KDM4C: variants seen among roughly 807,000 people sequenced by gnomAD.
KDM4C encodes lysine demethylase 4C.
Under a neutral mutation model 129.3 loss-of-function variants are expected in KDM4C, and 81 were observed. That is an observed-to-expected ratio of 0.63 (90% confidence interval 0.52 to 0.75). KDM4C has a LOEUF of 0.75. Ranked by LOEUF, KDM4C falls within the 30% of genes least tolerant of loss-of-function variation. KDM4C has a pLI of 0.00. For synonymous variants in KDM4C, 573 were observed against 456.1 expected, an observed-to-expected ratio of 1.26 and a Z score of -3.26; for missense variants, 1,457 against 1,304.0, an observed-to-expected ratio of 1.12 and a Z score of -1.81.
At chr9:6,743,408 T>G (rs1162150902) in intron 1 of KDM4C, among the ~76,000 whole-genome samples, 1 of 152,206 alleles carries the variant, frequency 6.6e-6, no homozygotes, top group African/African-American at 2.4e-5. Context: ...ACAAGGATTA[T>G]CAAGAGTGTG....
At chr9:7,065,763 T>C (rs1832334806) in intron 17 of KDM4C, among the ~76,000 whole-genome samples, 1 of 152,206 alleles carries the variant, frequency 6.6e-6, no homozygotes, top group Admixed American at 6.5e-5. Flanking sequence ...ATGCTGGCCA[T>C]TTGGTATGAT....
At chr9:6,725,055 C>T (rs1817076527) in intron 1 of KDM4C, among the ~76,000 whole-genome samples, 1 of 152,146 alleles carries the variant, frequency 6.6e-6, no homozygotes, top group Admixed American at 6.6e-5. Flanking sequence ...TGACACCTTC[C>T]TCACATTGTT....
chr9:6,812,528 C>T (rs2131117931), intron 3 of KDM4C, among the ~76,000 whole-genome samples: 1 of 152,230 alleles, frequency 6.6e-6, no homozygotes, highest in Middle Eastern at 3.4e-3. Context: ...ACATTAGGTT[C>T]TCATAAGGAG....
At chr9:6,807,149 C>T (rs1207294866) in intron 3 of KDM4C, among the ~76,000 whole-genome samples, 6 of 152,014 alleles carry the variant, frequency 3.9e-5, no homozygotes, top group African/African-American at 9.7e-5. Flanking sequence ...CTCGGCCTCC[C>T]GAGGTGCCGG....
At chr9:6,947,053 T>G (rs1165859055) in intron 8 of KDM4C, among the ~76,000 whole-genome samples, 2 of 152,108 alleles carry the variant, frequency 1.3e-5, no homozygotes, top group East Asian at 3.8e-4. Context: ...CAGAATCAAA[T>G]GAAAATGTCG....
intron 15 of KDM4C, among the ~76,000 whole-genome samples, chr9:7,032,679 C>G (rs1478232036): frequency 1.3e-5 from 2 of 152,210 alleles, no homozygotes; most frequent in African/African-American, 4.8e-5. Flanking sequence ...CAGGATCACT[C>G]TTGTGTGTCC....
At chr9:6,747,280 G>A (rs1817914793) in intron 1 of KDM4C, among the ~76,000 whole-genome samples, 1 of 151,964 alleles carries the variant, frequency 6.6e-6, no homozygotes, top group Admixed American at 6.6e-5. Context: ...GGGCACTGTG[G>A]CTCCAGCCTG....
chr9:6,985,277 C>G (rs377548407), intron 10 of KDM4C, among the ~76,000 whole-genome samples: 24 of 152,218 alleles, frequency 1.6e-4, no homozygotes, highest in African/African-American at 5.1e-4. Context: ...ATTATTCCAC[C>G]TATAATAAAA....
intron 5 of KDM4C, among the ~76,000 whole-genome samples, chr9:6,878,795 CCCCACA>C (rs372211631): frequency 0.011 from 1,679 of 151,392 alleles, 11 homozygotes; most frequent in African/African-American, 0.024. Flanking sequence ...AGGGACATAC[CCCCACA>C]CCCACACCCA....
At chr9:6,889,699 C>T (rs189425372) in intron 7 of KDM4C, among the ~76,000 whole-genome samples, 38 of 152,316 alleles carry the variant, frequency 2.5e-4, no homozygotes, top group Non-Finnish European at 1.0e-4. Context: ...ACAAGGTAGA[C>T]GTGAAGGAAT....
intron 17 of KDM4C, among the ~76,000 whole-genome samples, chr9:7,051,561 C>T (rs879384741): frequency 1.3e-5 from 2 of 152,130 alleles, no homozygotes; most frequent in East Asian, 1.9e-4. Context: ...AGTTCATGGC[C>T]GGCAGGAAAG....
At chr9:6,801,187 T>C (rs925031525) in intron 2 of KDM4C, among the ~76,000 whole-genome samples, 3 of 151,490 alleles carry the variant, frequency 2.0e-5, no homozygotes, top group Non-Finnish European at 4.4e-5. Flanking sequence ...AGACAAGACT[T>C]TAACACTCTT....
intron 8 of KDM4C, among the ~76,000 whole-genome samples, chr9:6,972,304 T>C (rs1232118932): frequency 1.3e-5 from 2 of 151,554 alleles, no homozygotes; most frequent in Non-Finnish European, 1.5e-5. Context: ...TATGTGAAAA[T>C]AGAAAAAGAA....
At chr9:6,745,739 A>C (rs1180757684) in intron 1 of KDM4C, among the ~76,000 whole-genome samples, 1 of 151,988 alleles carries the variant, frequency 6.6e-6, no homozygotes, top group Non-Finnish European at 1.5e-5. Flanking sequence ...CACGGGTTCA[A>C]GAGATTCTCC....
chr9:6,960,489 G>C (rs935442932), intron 8 of KDM4C, among the ~76,000 whole-genome samples: 3 of 151,834 alleles, frequency 2.0e-5, no homozygotes, highest in Admixed American at 6.6e-5. Flanking sequence ...AAACTCCTGG[G>C]CTCAAGCAGT....
intron 5 of KDM4C, among the ~76,000 whole-genome samples, chr9:6,860,316 C>G (rs1016544970): frequency 5.3e-5 from 8 of 152,076 alleles, no homozygotes; most frequent in Non-Finnish European, 8.8e-5. Context: ...AGAAAGAAAA[C>G]CCCACATTTG....
intron 5 of KDM4C, among the ~76,000 whole-genome samples, chr9:6,858,256 G>A (rs62535687): frequency 0.13 from 13,205 of 98,288 alleles, 690 homozygotes; most frequent in Non-Finnish European, 0.2. Context: ...TTCCAAATTT[G>A]CATATTAATG....
rs1405142114 is a variant in KDM4C, at chr9:7,076,568, A to G, written c.2425-27117A>G. ...TTTCAGATGCTGTTTCTCATTCTCCATGGGAGCAGCCAGCATCGTGTTTAG... is the reference window on the plus strand; with the variant it reads ...TTTCAGATGCTGTTTCTCATTCTCCGTGGGAGCAGCCAGCATCGTGTTTAG... On this transcript the variant is annotated intron_variant, in intron 17 of 21. Coordinates refer to ENST00000381309, the MANE Select transcript of KDM4C (RefSeq NM_015061.6). 23 of 1,515,902 alleles carry G rather than the reference A, an allele frequency of 1.5e-5. No homozygotes were observed. In the East Asian group the frequency reaches 3.5e-4, roughly 23 times the overall value. 93.9% of individuals were successfully genotyped at this position (1,515,902 alleles called of 1,614,324 possible).
chr9:6,758,236 C>CG lies in KDM4C; in HGVS notation c.-18+39dup, dbSNP rs1222485987. 2.0e-6 allele frequency: 2 copies of CG among 981,212 alleles called. No homozygotes were observed. The highest frequency in any genetic ancestry group is 2.4e-6 in the Non-Finnish European group (2 of 826,222). 60.8% of individuals were successfully genotyped at this position (981,212 alleles called of 1,614,324 possible). ...CTTTTCCGGAGTCTGGGGGCCAGGG[C>CG]GGGGGGAGGGTCCGGAGAGGTCTTC... On this transcript the variant is annotated intron_variant, in intron 1 of 21. Coordinates refer to ENST00000381309, the MANE Select transcript of KDM4C (RefSeq NM_015061.6). This position sits in a 1 kb window ranked among gnomAD's most constrained non-coding sequence, Gnocchi z 4.6.
Sources: allele counts gnomAD v4.1 joint callset (sites outside exome capture counted in the v4.1 genomes callset), GRCh38; gene constraint gnomAD v4.1.1; non-coding constraint Gnocchi (gnomAD v3.1); transcripts MANE v1.5; gene names NCBI Gene and HGNC (gene_info 2026-07-23, HGNC 2026-07-21).